The following ADAMTS17 variants were observed in gnomAD, a reference collection of about 807,000 sequenced individuals.
The protein encoded by ADAMTS17 is A disintegrin and metalloproteinase with thrombospondin motifs 17.
In ADAMTS17, 113 loss-of-function variants were observed where a neutral mutation model predicts 141.5. The ratio of observed to expected loss-of-function variants is 0.80; its 90% CI spans 0.69 to 0.93. ADAMTS17 has a LOEUF of 0.93. Among genes scored for constraint, ADAMTS17 ranks in the 40% least tolerant of loss-of-function variants. The pLI is 0.00. For synonymous variants in ADAMTS17, 768 were observed against 630.6 expected, an observed-to-expected ratio of 1.22 and a Z score of -3.27; for missense variants, 1,659 against 1,517.9, an observed-to-expected ratio of 1.09 and a Z score of -1.54.
intron 13 of ADAMTS17, among the ~76,000 whole-genome samples, chr15:100,114,758 C>A (rs2037005898): frequency 6.6e-6 from 1 of 152,186 alleles, no homozygotes; most frequent in African/African-American, 2.4e-5. Context: ...AGTGGCCCCC[C>A]AGAGAGCCAC....
chr15:100,202,713 C>A (rs1364334540), intron 7 of ADAMTS17, among the ~76,000 whole-genome samples: 1 of 152,220 alleles, frequency 6.6e-6, no homozygotes, highest in East Asian at 1.9e-4. Flanking sequence ...TCTCAGGCTG[C>A]AGAAGGCACC....
chr15:100,206,538 C>T (rs372565111), intron 7 of ADAMTS17, among the ~76,000 whole-genome samples: 1 of 152,228 alleles, frequency 6.6e-6, no homozygotes, highest in East Asian at 1.9e-4. Flanking sequence ...ACTTCAGTGA[C>T]AGCTTTCAGC....
intron 7 of ADAMTS17, among the ~76,000 whole-genome samples, chr15:100,231,750 A>G (rs2042488828): frequency 1.3e-5 from 2 of 152,144 alleles, no homozygotes; most frequent in Admixed American, 1.3e-4. Context: ...CTTGTCCAAA[A>G]GGGTCTCAAT....
chr15:100,273,997 C>T (rs187461401), intron 4 of ADAMTS17, among the ~76,000 whole-genome samples: 115 of 152,076 alleles, frequency 7.6e-4, no homozygotes, highest in African/African-American at 2.7e-3. Context: ...TCCAGTTTTC[C>T]TTCTGTTACT....
At chr15:100,231,533 G>C (rs375258180) in intron 7 of ADAMTS17, among the ~76,000 whole-genome samples, 3 of 152,302 alleles carry the variant, frequency 2.0e-5, no homozygotes, top group East Asian at 1.9e-4. Flanking sequence ...ATGGTGATCT[G>C]TTTCCTTCTC....
At chr15:100,049,914 A>G (rs2032010760) in intron 17 of ADAMTS17, among the ~76,000 whole-genome samples, 1 of 152,230 alleles carries the variant, frequency 6.6e-6, no homozygotes, top group Non-Finnish European at 1.5e-5. Flanking sequence ...CATAGAACAG[A>G]ACCTGGCAGG....
chr15:100,287,881 T>A (rs1302253021), intron 3 of ADAMTS17, among the ~76,000 whole-genome samples: 1 of 152,222 alleles, frequency 6.6e-6, no homozygotes, highest in African/African-American at 2.4e-5. Flanking sequence ...TGGAAAGGAA[T>A]GACTGTTAAT....
chr15:100,278,676 A>C (rs970705221), intron 4 of ADAMTS17, among the ~76,000 whole-genome samples: 1 of 152,206 alleles, frequency 6.6e-6, no homozygotes, highest in Non-Finnish European at 1.5e-5. Flanking sequence ...ATGTCCCGAA[A>C]GCCAGTCCTG....
chr15:100,104,566 A>G (rs1057409845), intron 14 of ADAMTS17, among the ~76,000 whole-genome samples: 2 of 152,334 alleles, frequency 1.3e-5, no homozygotes, highest in South Asian at 2.1e-4. Flanking sequence ...GACATTTCCC[A>G]GAATGCCGTC....
At chr15:100,269,879 A>G (rs1223273335) in intron 4 of ADAMTS17, among the ~76,000 whole-genome samples, 1 of 152,056 alleles carries the variant, frequency 6.6e-6, no homozygotes. Flanking sequence ...TATACCTCCA[A>G]AACTGGGATT....
intron 7 of ADAMTS17, among the ~76,000 whole-genome samples, chr15:100,205,123 G>A (rs1054918772): frequency 6.6e-6 from 1 of 152,118 alleles, no homozygotes; most frequent in Admixed American, 6.5e-5. Flanking sequence ...AGATGTCCTT[G>A]GCTTCGGTTT....
chr15:100,250,730 G>C (rs780490256), intron 7 of ADAMTS17, among the ~76,000 whole-genome samples: 2 of 152,194 alleles, frequency 1.3e-5, no homozygotes, highest in Non-Finnish European at 2.9e-5. Flanking sequence ...GCCTGATTAA[G>C]AGCTGTAGTC....
At chr15:100,054,316 G>A (rs1025715777) in intron 15 of ADAMTS17, among the ~76,000 whole-genome samples, 1 of 152,198 alleles carries the variant, frequency 6.6e-6, no homozygotes, top group African/African-American at 2.4e-5. Context: ...CTGGGCTTCT[G>A]TCTCAAAACC....
chr15:100,324,076 A>C (rs2045822793), intron 3 of ADAMTS17, among the ~76,000 whole-genome samples: 1 of 151,750 alleles, frequency 6.6e-6, no homozygotes, highest in Non-Finnish European at 1.5e-5. Context: ...AGGCCGAGGC[A>C]GGCAGATCAC....
At chr15:100,120,146 G>A (rs1249555340) in intron 12 of ADAMTS17, among the ~76,000 whole-genome samples, 3 of 152,176 alleles carry the variant, frequency 2.0e-5, no homozygotes, top group Non-Finnish European at 2.9e-5. Flanking sequence ...AGCTGAGGAG[G>A]AAGCACCAGG....
In ADAMTS17 at chr15:100,270,442, C is replaced by T. The variant is rs868230865; in HGVS notation, c.790-8007G>A. On this transcript the variant is annotated intron_variant, in intron 4 of 21. Coordinates refer to ENST00000268070, the MANE Select transcript of ADAMTS17 (RefSeq NM_139057.4). Reference sequence around the variant, plus strand: ...ACACTTTCAAACAGAGTTTAATACACCATATCCGTGGGATGTGCTTAGAAT... The same window carrying T: ...ACACTTTCAAACAGAGTTTAATACATCATATCCGTGGGATGTGCTTAGAAT... Among the ~76,000 whole-genome samples, 4 of 152,204 alleles carry T rather than the reference C, an allele frequency of 2.6e-5. No individual in the cohort carries two copies. The South Asian group carries it at 8.3e-4, about 32-fold the overall frequency.
intron 18 of ADAMTS17, among the ~76,000 whole-genome samples, chr15:100,009,569 G>C (rs2061116370): frequency 6.6e-6 from 1 of 152,076 alleles, no homozygotes; most frequent in Non-Finnish European, 1.5e-5. Flanking sequence ...AGGCTTGTTG[G>C]AGGCGTGACT....
intron 7 of ADAMTS17, among the ~76,000 whole-genome samples, chr15:100,248,367 C>G (rs187464370): frequency 3.7e-4 from 56 of 152,334 alleles, no homozygotes; most frequent in African/African-American, 1.3e-3. Flanking sequence ...CCTGCCTAGC[C>G]AGCCAGGCTT....
intron 18 of ADAMTS17, among the ~76,000 whole-genome samples, chr15:100,040,550 T>A (rs369023165): frequency 1.3e-5 from 2 of 152,158 alleles, no homozygotes; most frequent in African/African-American, 2.4e-5. Context: ...GAGAAGGATC[T>A]CTTTTGATGG....
Sources: gnomAD v4.1 joint callset for allele counts (sites outside exome capture counted in the v4.1 genomes callset) on GRCh38, gnomAD v4.1.1 for gene constraint, MANE v1.5 for transcripts, NCBI Gene and HGNC (gene_info 2026-07-23, HGNC 2026-07-21) for gene names.